Variants in CEP250 observed in about 807,000 individuals in gnomAD.
CEP250 encodes the protein centrosomal protein 250, also known as centrosome-associated protein CEP250.
In CEP250, 242 loss-of-function variants were observed where a neutral mutation model predicts 315.7. The observed-to-expected ratio is 0.77, with a 90% CI of 0.69 to 0.85. The LOEUF (loss-of-function observed/expected upper bound fraction) is 0.85, where lower values mean the gene tolerates loss of function less well. Among genes scored for constraint, CEP250 ranks in the 40% least tolerant of loss-of-function variants. The pLI, the probability that CEP250 is intolerant of heterozygous loss-of-function variation, is 0.00. For synonymous variants in CEP250, 1,088 were observed against 1,175.0 expected (o/e 0.93, Z 1.51); for missense variants, 2,515 against 2,886.4 (o/e 0.87, Z 2.95).
At chr20:35,459,908 G>T (rs2062717514) in intron 2 of CEP250, 75 bp from the exon 3 acceptor site, 1 of 152,164 alleles carries the variant, frequency 6.6e-6, no homozygotes, top group East Asian at 1.9e-4. Context: ...CAAAAGCCCG[G>T]CTCAGCCCTC....
At position 35,460,439 on chromosome 20, in the gene CEP250, G is replaced by A. The variant is rs187503573; in HGVS notation, c.-104+334G>A. ...GCTATCATTGTGAGGGAGAGAATCG[G>A]TGTGTGCATAGGGGAGGCCATGATG... On this transcript the variant is annotated intron_variant, in intron 3 of 34. Coordinates refer to ENST00000397527, the MANE Select transcript of CEP250 (RefSeq NM_007186.6). 2.0e-5 allele frequency among the ~76,000 whole-genome samples: 3 copies of A among 152,338 alleles called. No homozygotes were observed. The East Asian group carries it at 5.8e-4, about 29-fold the overall frequency.
Position 35,504,654 on chromosome 20 carries a change from T to G in CEP250, c.6285T>G (p.Ser2095Arg), listed in dbSNP as rs1221230535. 21 of 1,613,346 alleles carry G rather than the reference T, an allele frequency of 1.3e-5. No individual in the cohort carries two copies. Among genetic ancestry groups the G allele is most frequent in the Non-Finnish European group, 1.7e-5 (20 of 1,179,794 alleles). Residue 2095 changes from serine (S) to arginine (R), a missense_variant, in exon 30 of 35, where the codon AGT (serine) becomes AGG (arginine). Transcript: ENST00000397527. ...AGGAGATAAGGGGCCTTCATCAGAG[T>G]GTAAGGGAGCTACAGCTGACTCTAG... ...EEEEIRGLHQ[S>R]VRELQLTLAQ...
rs2147157581 is a variant in CEP250, at chr20:35,503,272, C to G, written c.4903C>G (p.Gln1635Glu). The change falls in exon 30 of 35, where the codon CAG (glutamine) becomes GAG (glutamate). Residue 1635 changes from glutamine to glutamate, a missense_variant. By Grantham distance (29) the Gln-to-Glu change is conservative. Coordinates refer to ENST00000397527, the MANE Select transcript of CEP250 (RefSeq NM_007186.6). This position sits in a 1 kb window ranked among gnomAD's most constrained non-coding sequence, Gnocchi z 4.2. ...LQERDQEVKS[Q>E]REQIEELQRQ... ...GGAGAGGGACCAGGAGGTGAAGTCT[C>G]AGCGAGAACAGATCGAGGAGCTGCA... 2 of 1,614,170 alleles carry G rather than the reference C, an allele frequency of 1.2e-6. No homozygotes were observed. Among genetic ancestry groups the G allele is most frequent in the Middle Eastern group, 1.6e-4 (1 of 6,062 alleles).
rs1568841331 is a variant in CEP250 at position 35,505,025 on chromosome 20, G to GTCC, written c.6636+21_6636+22insCCT. On this transcript the variant is annotated intron_variant, in intron 30 of 34. Coordinates refer to ENST00000397527, the MANE Select transcript of CEP250 (RefSeq NM_007186.6). ...CTGCAGGTAAGTCACTCCATGGGGA[G>GTCC]TAAGGGCCAGGGGACACACCCCTGT... 1 of 1,572,718 alleles carries GTCC rather than the reference G, an allele frequency of 6.4e-7. No individual in the cohort carries two copies. Among genetic ancestry groups the GTCC allele is most frequent in the Non-Finnish European group, 8.6e-7 (1 of 1,157,166 alleles).
intron 27 of CEP250, 99 bp from the exon 28 acceptor site, chr20:35,499,950 G>A (rs1252924887): frequency 1.5e-5 from 22 of 1,482,190 alleles, no homozygotes; most frequent in Middle Eastern, 1.9e-4. Flanking sequence ...CCACAATGGC[G>A]GCCCACCACA....
chr20:35,499,574 G>C (rs985622749), intron 27 of CEP250, among the ~76,000 whole-genome samples: 1 of 152,240 alleles, frequency 6.6e-6, no homozygotes, highest in African/African-American at 2.4e-5. Flanking sequence ...AAGAAGGCTT[G>C]TGACATGGTG....
rs1253759461 is a variant in CEP250 at position 35,457,153 on chromosome 20, A to G, written c.-297-1151A>G. On this transcript the variant is annotated intron_variant, in intron 1 of 34. Coordinates refer to ENST00000397527, the MANE Select transcript of CEP250 (RefSeq NM_007186.6). ...AAGACCATTGGTGATAATATGGATC[A>G]TGTTACCTAATGTCCTATAATAGTC... 4.6e-5 allele frequency among the ~76,000 whole-genome samples: 7 copies of G among 152,154 alleles called. No homozygotes were observed. In the East Asian group the frequency reaches 1.3e-3, roughly 29 times the overall value.
At chr20:35,466,291 G>A in intron 7 of CEP250, 87 bp downstream of exon 7, 2 of 1,421,158 alleles carry the variant, frequency 1.4e-6, no homozygotes, top group East Asian at 2.5e-5. Flanking sequence ...GTTAACTTCA[G>A]GACTTGGATG....
At chr20:35,487,587 CA>C (rs1484501417) in intron 20 of CEP250, among the ~76,000 whole-genome samples, 4 of 152,082 alleles carry the variant, frequency 2.6e-5, no homozygotes, top group African/African-American at 9.7e-5. Context: ...CTCCCCATGC[CA>C]AGCACCATGC....
chr20:35,472,083 G>T lies in CEP250; in HGVS notation c.982G>T (p.Ala328Ser), dbSNP rs150639987. 2 of 1,612,720 alleles carry T rather than the reference G, an allele frequency of 1.2e-6. No individual in the cohort carries two copies. The highest frequency in any genetic ancestry group is 2.2e-5 in the South Asian group (2 of 91,050). ...TNHTELMEHE[A>S]SLSRNAQEEK... ...TCACACAGAATTAATGGAACATGAA[G>T]CATCTCTTAGTAGGAATGCGCAAGA... Residue 328 changes from alanine to serine, a missense_variant, in exon 11 of 35, where the codon GCA becomes TCA. Ala to Ser is a moderately conservative substitution (Grantham distance 99, BLOSUM62 1). Coordinates refer to ENST00000397527, the MANE Select transcript of CEP250 (RefSeq NM_007186.6).
chr20:35,500,769 G>A (rs1286517459), intron 28 of CEP250, among the ~76,000 whole-genome samples: 1 of 152,234 alleles, frequency 6.6e-6, no homozygotes, highest in African/African-American at 2.4e-5. Context: ...CCAAAGGGGT[G>A]CTGACCACCT....
In CEP250 at chr20:35,467,091, A is replaced by C; in HGVS notation, c.599+19A>C. On this transcript the variant is annotated intron_variant, in intron 8 of 34. Coordinates refer to ENST00000397527, the MANE Select transcript of CEP250 (RefSeq NM_007186.6). ...CTGACAGGTCAGTGTGGGGAGAAGA[A>C]GGGAGGAGGTTTGCCCCTACCAATT... 2.0e-6 allele frequency: 3 copies of C among 1,472,594 alleles called. No individual in the cohort carries two copies. Among genetic ancestry groups the C allele is most frequent in the Non-Finnish European group, 2.7e-6 (3 of 1,095,170 alleles). 91.2% of individuals were successfully genotyped at this position (1,472,594 alleles called of 1,614,324 possible).
intron 20 of CEP250, among the ~76,000 whole-genome samples, chr20:35,489,901 G>A (rs1249260474): frequency 6.6e-6 from 1 of 152,176 alleles, no homozygotes; most frequent in East Asian, 1.9e-4. Context: ...ATACGGAGCT[G>A]TGTGTGGTGT....
intron 24 of CEP250, among the ~76,000 whole-genome samples, chr20:35,495,000 G>A (rs920689850): frequency 2.6e-5 from 4 of 152,004 alleles, no homozygotes; most frequent in Non-Finnish European, 5.9e-5. Context: ...GAGGAAACAG[G>A]GTGAGAGAGA....
At chr20:35,473,661 C>A in intron 13 of CEP250, 109 bp downstream of exon 13, 1 of 1,200,468 alleles carries the variant, frequency 8.3e-7, no homozygotes, top group Non-Finnish European at 1.1e-6. Context: ...ATCCTGTTCT[C>A]CTTGAGACTC....
chr20:35,496,011 G>GGT (rs1419486757), intron 24 of CEP250, among the ~76,000 whole-genome samples: 2 of 152,112 alleles, frequency 1.3e-5, no homozygotes, highest in Non-Finnish European at 2.9e-5. Flanking sequence ...GAGTAGTCAA[G>GGT]GTTCTACGTT....
At position 35,463,646 on chromosome 20, in the gene CEP250, G is replaced by C; in HGVS notation, c.243+15G>C. 1 of 1,601,502 alleles carries C rather than the reference G, an allele frequency of 6.2e-7. No homozygotes were observed. Among genetic ancestry groups the C allele is most frequent in the Non-Finnish European group, 8.5e-7 (1 of 1,173,944 alleles). ...AAGCCACTGGAGTGAGTGAGGCTGA[G>C]CTCTCTGCACCCCCTGGGTCCTCAG... On this transcript the variant is annotated intron_variant, in intron 5 of 34. Transcript: ENST00000397527.
chr20:35,463,999 A>C (rs2062817096), intron 5 of CEP250, among the ~76,000 whole-genome samples: 1 of 151,916 alleles, frequency 6.6e-6, no homozygotes, highest in South Asian at 2.1e-4. Context: ...GCTTTGAAAA[A>C]CCCATTTATT....
Position 35,491,335 on chromosome 20 carries a change from T to G in CEP250, c.2878T>G (p.Leu960Val). The change falls in exon 22 of 35, where the codon TTA becomes GTA. Residue 960 changes from leucine (L) to valine (V), a missense_variant. Physicochemically the swap from Leu to Val is conservative, Grantham distance 32 (BLOSUM62 1). Coordinates refer to ENST00000397527, the MANE Select transcript of CEP250 (RefSeq NM_007186.6). ...GAGGCAGGACATGAAAGTCCAGAAATTAAAGGAGCAGGTATGGAGGGTGGT... is the reference window on the plus strand; with the variant it reads ...GAGGCAGGACATGAAAGTCCAGAAAGTAAAGGAGCAGGTATGGAGGGTGGT... ...RLRQDMKVQK[L>V]KEQETTGILQ... The G allele has an allele frequency of 6.3e-7, 1 of 1,591,312 alleles. No homozygotes were observed. Among genetic ancestry groups the G allele is most frequent in the East Asian group, 2.3e-5 (1 of 43,592 alleles).
Sources: gnomAD v4.1 joint callset for allele counts (sites outside exome capture counted in the v4.1 genomes callset) on GRCh38, gnomAD v4.1.1 for gene constraint, Gnocchi (gnomAD v3.1) non-coding constraint, MANE v1.5 for transcripts, NCBI Gene and HGNC (gene_info 2026-07-23, HGNC 2026-07-21) for gene names.